The following BRINP1 variants were observed in gnomAD, a reference collection of about 807,000 sequenced individuals.
The protein encoded by BRINP1 is BMP/retinoic acid-inducible neural-specific protein 1.
A neutral mutation model predicts 72.9 loss-of-function variants in BRINP1; 17 were observed. The observed-to-expected ratio is 0.23, with a 90% CI of 0.16 to 0.35. BRINP1 has a LOEUF of 0.35. Ranked by LOEUF, BRINP1 falls within the 10% of genes least tolerant of loss-of-function variation. The probability of loss-of-function intolerance (pLI) is 1.00; values close to 1 mark genes in which losing one functional copy is unlikely to be tolerated. For missense variants in BRINP1, 850 were observed against 1,001.6 expected, an observed-to-expected ratio of 0.85 and a Z score of 2.04; for synonymous variants, 418 against 378.5, an observed-to-expected ratio of 1.10 and a Z score of -1.21.
At chr9:119,213,835 G>T in intron 6 of BRINP1, 84 bp downstream of exon 6, 2 of 1,207,724 alleles carry the variant, frequency 1.7e-6, no homozygotes, top group Non-Finnish European at 2.4e-6. Flanking sequence ...TTCCCTTGCA[G>T]CAGTCCTAAT....
At chr9:119,284,787 A>T (rs768512297) in intron 2 of BRINP1, among the ~76,000 whole-genome samples, 6 of 152,172 alleles carry the variant, frequency 3.9e-5, no homozygotes. Flanking sequence ...TGTTACAGAG[A>T]GGAAAGTTCG....
In BRINP1 at chr9:119,249,014, C is replaced by T. The variant is rs141148894; in HGVS notation, c.355G>A (p.Asp119Asn). 4.5e-5 allele frequency: 72 copies of T among 1,613,866 alleles called. No individual in the cohort carries two copies. The highest frequency in any genetic ancestry group is 8.9e-5 in the East Asian group (4 of 44,876). The change falls in exon 3 of 8, where the codon GAT becomes AAT. Residue 119 changes from aspartate to asparagine, a missense_variant. Coordinates refer to ENST00000265922, the MANE Select transcript of BRINP1 (RefSeq NM_014618.3). The part of the protein sequence containing the change: ...GRRPTTQQFI[D>N]TIIKKYGTHL... Reference sequence around the variant, plus strand: ...GTGCCGTACTTTTTGATGATGGTATCGATGAACTGCTGAGTGGTAGGTCTC... The same window carrying T: ...GTGCCGTACTTTTTGATGATGGTATTGATGAACTGCTGAGTGGTAGGTCTC...
chr9:119,322,507 G>A (rs563082811), intron 1 of BRINP1, among the ~76,000 whole-genome samples: 1 of 152,332 alleles, frequency 6.6e-6, no homozygotes, highest in South Asian at 2.1e-4. Flanking sequence ...ATGAGAGAAT[G>A]ACCTTCCAGC....
At chr9:119,226,661 T>C (rs900678085) in intron 5 of BRINP1, among the ~76,000 whole-genome samples, 4 of 55,492 alleles carry the variant, frequency 7.2e-5, no homozygotes, top group African/African-American at 2.4e-4. Context: ...GTATCATCTA[T>C]TCTAGGGTTT....
intron 1 of BRINP1, among the ~76,000 whole-genome samples, chr9:119,324,015 C>T (rs1290489431): frequency 2.0e-5 from 3 of 152,174 alleles, no homozygotes; most frequent in Non-Finnish European, 4.4e-5. Context: ...TCAGAGGAAA[C>T]CTGATCCAAG....
chr9:119,271,603 A>G (rs1371495178), intron 2 of BRINP1, among the ~76,000 whole-genome samples: 1 of 152,108 alleles, frequency 6.6e-6, no homozygotes, highest in Non-Finnish European at 1.5e-5. Context: ...AAAATATTAC[A>G]GGGGAAGTAA....
chr9:119,358,052 C>T (rs959694021), intron 1 of BRINP1, among the ~76,000 whole-genome samples: 2 of 152,112 alleles, frequency 1.3e-5, no homozygotes, highest in Admixed American at 6.5e-5. Flanking sequence ...TACCTCTGAC[C>T]CACAATGTTC....
chr9:119,179,192 G>C (rs1016753711), intron 7 of BRINP1, among the ~76,000 whole-genome samples: 1 of 152,230 alleles, frequency 6.6e-6, no homozygotes, highest in African/African-American at 2.4e-5. Context: ...AAGCCAGTCA[G>C]TGTGAGGCAG....
intron 1 of BRINP1, among the ~76,000 whole-genome samples, chr9:119,334,860 A>G (rs1426740041): frequency 6.6e-6 from 1 of 152,108 alleles, no homozygotes; most frequent in East Asian, 1.9e-4. Context: ...TGTGCCAGAC[A>G]AGAGAGATCG....
chr9:119,341,501 CT>C (rs1831405906), intron 1 of BRINP1, among the ~76,000 whole-genome samples: 1 of 152,160 alleles, frequency 6.6e-6, no homozygotes, highest in South Asian at 2.1e-4. Flanking sequence ...GCAGGACACT[CT>C]CCTGCAACAC....
intron 3 of BRINP1, among the ~76,000 whole-genome samples, chr9:119,242,792 AT>A (rs1198812425): frequency 6.6e-6 from 1 of 152,204 alleles, no homozygotes; most frequent in African/African-American, 2.4e-5. Flanking sequence ...AGATGCAAAT[AT>A]AAAAATTTAT....
chr9:119,289,560 T>C (rs1018603555), intron 2 of BRINP1, among the ~76,000 whole-genome samples: 2 of 152,108 alleles, frequency 1.3e-5, no homozygotes, highest in Non-Finnish European at 2.9e-5. Flanking sequence ...AGCAATAGGG[T>C]TGATGACTCA....
chr9:119,247,004 T>C (rs1387574124), intron 3 of BRINP1, among the ~76,000 whole-genome samples: 2 of 152,184 alleles, frequency 1.3e-5, no homozygotes, highest in Admixed American at 6.5e-5. Flanking sequence ...CACCTTGCCT[T>C]AGAGAAATTA....
intron 5 of BRINP1, among the ~76,000 whole-genome samples, chr9:119,219,859 C>T (rs1216940202): frequency 1.3e-5 from 2 of 151,978 alleles, no homozygotes; most frequent in Non-Finnish European, 2.9e-5. Flanking sequence ...TAAGCTGAGA[C>T]CTAATGGATA....
At chr9:119,333,930 G>C (rs916656115) in intron 1 of BRINP1, among the ~76,000 whole-genome samples, 4 of 152,176 alleles carry the variant, frequency 2.6e-5, no homozygotes, top group African/African-American at 9.7e-5. Context: ...CCTCAAGTCA[G>C]GCAAACAGCT....
intron 2 of BRINP1, among the ~76,000 whole-genome samples, chr9:119,286,334 G>A (rs1346006256): frequency 2.6e-5 from 4 of 151,598 alleles, no homozygotes; most frequent in Non-Finnish European, 4.4e-5. Flanking sequence ...CTGGGTTCAC[G>A]CCATTCTCCT....
intron 4 of BRINP1, among the ~76,000 whole-genome samples, chr9:119,240,663 C>G (rs1420153918): frequency 6.6e-6 from 1 of 152,104 alleles, no homozygotes; most frequent in Non-Finnish European, 1.5e-5. Context: ...CAAATACAGG[C>G]GATTCTTTTC....
At chr9:119,246,633 T>C (rs1168597628) in intron 3 of BRINP1, among the ~76,000 whole-genome samples, 1 of 152,204 alleles carries the variant, frequency 6.6e-6, no homozygotes, top group East Asian at 1.9e-4. Flanking sequence ...AACACTAAGC[T>C]GGTGAACAGC....
chr9:119,206,871 C>A (rs541408541), intron 7 of BRINP1, among the ~76,000 whole-genome samples: 1 of 152,116 alleles, frequency 6.6e-6, no homozygotes, highest in Non-Finnish European at 1.5e-5. Flanking sequence ...CTGTTGTGCT[C>A]GACAAGAAAG....
Sources: allele counts gnomAD v4.1 joint callset (sites outside exome capture counted in the v4.1 genomes callset), GRCh38; gene constraint gnomAD v4.1.1; transcripts MANE v1.5; gene names NCBI Gene and HGNC (gene_info 2026-07-23, HGNC 2026-07-21).